MARK3: variants seen among roughly 807,000 people sequenced by gnomAD.
The protein encoded by MARK3 is MAP/microtubule affinity-regulating kinase 3.
MARK3 carries 46 observed loss-of-function variants against 90.1 expected under a neutral mutation model. The ratio of observed to expected loss-of-function variants is 0.51; its 90% confidence interval spans 0.40 to 0.65. MARK3 has a LOEUF of 0.65. MARK3 is among the 30% of genes least tolerant of loss of function. The probability of loss-of-function intolerance (pLI) is 0.00; values close to 1 mark genes in which losing one functional copy is unlikely to be tolerated. For missense variants in MARK3, 818 were observed against 947.2 expected (o/e 0.86, Z 1.79); for synonymous variants, 321 against 332.6 (o/e 0.97, Z 0.38).
Position 103,405,207 on chromosome 14 carries a change from A to G in MARK3, c.183A>G (p.Thr61=). The G allele has an allele frequency of 6.3e-7, 1 of 1,587,176 alleles. No homozygotes were observed. Among genetic ancestry groups the G allele is most frequent in the Non-Finnish European group, 8.6e-7 (1 of 1,169,428 alleles). Residue 61 remains threonine, a synonymous_variant, in exon 2 of 18, where the codon ACA becomes ACG. Transcript: ENST00000429436. ...PHIGNYRLLK[T]IGKGNFAKVK... ...TCGGAAACTACAGACTGTTGAAAAC[A>G]ATCGGCAAGGGGAATTTTGCAAAAG...
At chr14:103,450,608 G>A (rs1206789628) in intron 4 of MARK3, among the ~76,000 whole-genome samples, 1 of 152,134 alleles carries the variant, frequency 6.6e-6, no homozygotes, top group Non-Finnish European at 1.5e-5. Context: ...TTTCTGAAGT[G>A]GCTTTTCTTC....
Position 103,503,014 on chromosome 14 carries a change from G to A in MARK3, c.2049G>A (p.Leu683=), listed in dbSNP as rs937069604. The A allele has an allele frequency of 6.2e-7, 1 of 1,614,116 alleles. No individual in the cohort carries two copies. The highest frequency in any genetic ancestry group is 1.3e-5 in the African/African-American group (1 of 74,940). ...GDMMREIRKV[L]DANNCDYEQR... is the part of the protein sequence containing the mutation. ...TGATGCGGGAAATCCGCAAAGTGTT[G>A]GACGCCAATAACTGCGACTATGAGC... Residue 683 remains leucine (L), a synonymous_variant, in exon 18 of 18, where the codon TTG becomes TTA. Transcript: ENST00000429436.
At chr14:103,473,060 G>C (rs1035650626) in intron 12 of MARK3, among the ~76,000 whole-genome samples, 55 of 151,494 alleles carry the variant, frequency 3.6e-4, no homozygotes, top group Non-Finnish European at 2.4e-4. Flanking sequence ...TGGATCTCAA[G>C]GGAATTATAC....
chr14:103,409,430 TAAAG>T (rs2091494946), intron 2 of MARK3, among the ~76,000 whole-genome samples: 1 of 55,826 alleles, frequency 1.8e-5, no homozygotes, highest in Admixed American at 2.4e-4. Flanking sequence ...TCCCAGAACT[TAAAG>T]TAAAAAAAAA....
chr14:103,449,151 G>A (rs905741976), intron 4 of MARK3, among the ~76,000 whole-genome samples, 184 bp downstream of exon 4: 13 of 151,672 alleles, frequency 8.6e-5, no homozygotes, highest in Non-Finnish European at 1.6e-4. Flanking sequence ...GGTATTAAAC[G>A]TTGAATTTAA....
At chr14:103,458,938 T>C (rs1220092457) in intron 6 of MARK3, 8 of 447,160 alleles carry the variant, frequency 1.8e-5, no homozygotes, top group Non-Finnish European at 2.8e-5. Flanking sequence ...TCTGATCCTG[T>C]TTTTAAAGCT....
At chr14:103,405,322 G>A in intron 2 of MARK3, 55 bp downstream of exon 2, 2 of 1,326,770 alleles carry the variant, frequency 1.5e-6, no homozygotes, top group South Asian at 1.5e-5. Flanking sequence ...TTATTTCCAT[G>A]TAAGAGAAAG....
chr14:103,458,550 G>A (rs183057867), intron 6 of MARK3, among the ~76,000 whole-genome samples: 162 of 151,858 alleles, frequency 1.1e-3, no homozygotes, highest in African/African-American at 3.7e-3. Flanking sequence ...ACAAAAACAG[G>A]GATGGGCCGG....
intron 2 of MARK3, among the ~76,000 whole-genome samples, chr14:103,417,789 G>A (rs369166659): frequency 5.9e-5 from 9 of 151,904 alleles, no homozygotes; most frequent in Admixed American, 2.0e-4. Flanking sequence ...TGTGTGGGCC[G>A]GGCACGGTGA....
At chr14:103,460,071 A>ATTTTTTTT (rs1566882596) in intron 6 of MARK3, among the ~76,000 whole-genome samples, 3 of 45,580 alleles carry the variant, frequency 6.6e-5, no homozygotes, top group African/African-American at 2.6e-4. Context: ...TTCCAGCTCC[A>ATTTTTTTT]TCTTTTTTTT....
At chr14:103,454,836 C>G (rs1287336996) in intron 5 of MARK3, among the ~76,000 whole-genome samples, 1 of 152,174 alleles carries the variant, frequency 6.6e-6, no homozygotes, top group Non-Finnish European at 1.5e-5. Context: ...GTTTCAGGAC[C>G]TGAACTAGAA....
chr14:103,423,729 G>A (rs913133535), intron 2 of MARK3, among the ~76,000 whole-genome samples: 5 of 152,158 alleles, frequency 3.3e-5, no homozygotes, highest in African/African-American at 7.2e-5. Flanking sequence ...AGGAACTCCC[G>A]CTCAGGCTTC....
intron 13 of MARK3, among the ~76,000 whole-genome samples, chr14:103,476,843 T>C (rs1025906778): frequency 6.6e-6 from 1 of 152,156 alleles, no homozygotes; most frequent in Non-Finnish European, 1.5e-5. Context: ...GTAAACCCTG[T>C]GTGAAAAGTT....
chr14:103,499,947 T>G (rs958230091), intron 16 of MARK3: 12 of 583,080 alleles, frequency 2.1e-5, no homozygotes, highest in Non-Finnish European at 6.2e-6. Context: ...AGCTGGCCCC[T>G]GTGCACACCC....
At position 103,395,954 on chromosome 14, in the gene MARK3, T is replaced by G. The variant is rs189910644; in HGVS notation, c.52-9122T>G. The stretch of plus-strand genomic sequence containing the variant: ...TTGTGGTGCTCTTGATACCAATATA[T>G]TTAGTCTTATCACTTGGCCTAGGCA... On this transcript the variant is annotated intron_variant, in intron 1 of 17. Transcript: ENST00000429436. Among the ~76,000 whole-genome samples, 33 of 152,278 alleles carry G rather than the reference T, an allele frequency of 2.2e-4. 1 individual carries two copies. The highest frequency in any genetic ancestry group is 7.2e-4 in the African/African-American group (30 of 41,554).
At chr14:103,482,526 A>T (rs2093845177) in intron 14 of MARK3, among the ~76,000 whole-genome samples, 1 of 152,118 alleles carries the variant, frequency 6.6e-6, no homozygotes, top group South Asian at 2.1e-4. Flanking sequence ...TCTAAAAAAA[A>T]AAAAAGTTGT....
intron 2 of MARK3, among the ~76,000 whole-genome samples, chr14:103,411,015 C>T (rs928303749): frequency 4.6e-5 from 7 of 152,226 alleles, no homozygotes; most frequent in African/African-American, 1.7e-4. Context: ...TGGCTCACGC[C>T]TGTAATCCCA....
At chr14:103,481,912 G>A (rs1336644235) in intron 14 of MARK3, among the ~76,000 whole-genome samples, 10 of 150,442 alleles carry the variant, frequency 6.6e-5, no homozygotes, top group African/African-American at 2.2e-4. Flanking sequence ...GACTACAGGC[G>A]CCTGCCACCA....
intron 3 of MARK3, among the ~76,000 whole-genome samples, chr14:103,434,927 C>G (rs2092678789): frequency 6.6e-6 from 1 of 152,174 alleles, no homozygotes; most frequent in African/African-American, 2.4e-5. Context: ...GCACCAGACA[C>G]CTACCCAGGA....
Sources: gnomAD v4.1 joint callset for allele counts (sites outside exome capture counted in the v4.1 genomes callset) on GRCh38, gnomAD v4.1.1 for gene constraint, MANE v1.5 for transcripts, NCBI Gene and HGNC (gene_info 2026-07-23, HGNC 2026-07-21) for gene names.